The following ABCC9 variants were observed in gnomAD, a reference collection of about 807,000 sequenced individuals.
The protein encoded by ABCC9 is ATP binding cassette subfamily C member 9.
ABCC9 carries 95 observed loss-of-function variants against 188.3 expected under a neutral mutation model. The observed-to-expected ratio is 0.50, with a 90% confidence interval of 0.43 to 0.60. ABCC9 has a LOEUF of 0.60. Ranked by LOEUF, ABCC9 falls within the 20% of genes least tolerant of loss-of-function variation. The pLI, the probability that ABCC9 is intolerant of heterozygous loss-of-function variation, is 0.00. For synonymous variants in ABCC9, 659 were observed against 652.7 expected, an observed-to-expected ratio of 1.01 and a Z score of -0.15; for missense variants, 1,102 against 1,876.3, an observed-to-expected ratio of 0.59 and a Z score of 7.62.
Position 21,809,865 on chromosome 12 carries a change from T to G in ABCC9, c.4302A>C (p.Leu1434=), listed in dbSNP as rs1387875950. ...IAQLKNMVKS[L]PGGLDAVVTE... Reference sequence around the variant, plus strand: ...TAGGAAATATACCTAGACCTCCAGGTAGAGATTTGACCATATTCTTCAGCT... The same window carrying G: ...TAGGAAATATACCTAGACCTCCAGGGAGAGATTTGACCATATTCTTCAGCT... Residue 1434 remains leucine (L), a synonymous_variant, in exon 37 of 40, where the codon CTA becomes CTC. Coordinates refer to ENST00000261200, the MANE Select transcript of ABCC9 (RefSeq NM_020297.4). The G allele has an allele frequency of 6.2e-7, 1 of 1,604,584 alleles. No homozygotes were observed.
At chr12:21,932,710 G>A (rs139137780) in intron 4 of ABCC9, among the ~76,000 whole-genome samples, 9 of 152,038 alleles carry the variant, frequency 5.9e-5, no homozygotes, top group Admixed American at 6.6e-5. Context: ...CCAGTCAAAC[G>A]GCTACAATTA....
intron 38 of ABCC9, among the ~76,000 whole-genome samples, chr12:21,806,975 G>A (rs1240019734): frequency 6.6e-6 from 1 of 152,074 alleles, no homozygotes; most frequent in Admixed American, 6.6e-5. Context: ...GAGTGGTGTT[G>A]GTTAGTAATA....
chr12:21,817,548 G>A (rs1942727006), intron 32 of ABCC9, among the ~76,000 whole-genome samples: 1 of 152,132 alleles, frequency 6.6e-6, no homozygotes, highest in Non-Finnish European at 1.5e-5. Flanking sequence ...TGATTTCCCT[G>A]CATGATGGAT....
intron 12 of ABCC9, among the ~76,000 whole-genome samples, chr12:21,897,258 A>G (rs1947473436): frequency 6.6e-6 from 1 of 152,030 alleles, no homozygotes; most frequent in Non-Finnish European, 1.5e-5. Context: ...CCCACTTTTT[A>G]AGAGGGTTTT....
chr12:21,845,836 C>A lies in ABCC9; in HGVS notation c.2867-4G>T. 1.2e-6 allele frequency: 2 copies of A among 1,611,800 alleles called. No individual in the cohort carries two copies. The highest frequency in any genetic ancestry group is 8.5e-7 in the Non-Finnish European group (1 of 1,179,398). On this transcript the variant is annotated splice_region_variant and splice_polypyrimidine_tract_variant and intron_variant, in intron 25 of 39. Coordinates refer to ENST00000261200, the MANE Select transcript of ABCC9 (RefSeq NM_020297.4). ...TCATCTTCCTCCTCTTCTTCCTCTA[C>A]ATACAAAAAACTTTTGTTTAAGCTT...
rs567069260 is a variant in ABCC9 at position 21,854,526 on chromosome 12, T to G, written c.2506-2021A>C. Among the ~76,000 whole-genome samples, 32 of 152,288 alleles carry G rather than the reference T, an allele frequency of 2.1e-4. No homozygotes were observed. The South Asian group carries it at 6.6e-3, about 32-fold the overall frequency. The stretch of plus-strand genomic sequence containing the variant: ...ACAATTATCTTGATTGTCCTGAAAT[T>G]TCTTTGGATGACAAGGGAAATATTT... On this transcript the variant is annotated intron_variant, in intron 22 of 39. Coordinates refer to ENST00000261200, the MANE Select transcript of ABCC9 (RefSeq NM_020297.4).
At chr12:21,904,933 A>T (rs1174089479) in intron 12 of ABCC9, among the ~76,000 whole-genome samples, 1 of 152,228 alleles carries the variant, frequency 6.6e-6, no homozygotes, top group Non-Finnish European at 1.5e-5. Flanking sequence ...TACTGGGTAT[A>T]TACCCAAAGG....
rs1856310714 is a variant in ABCC9, at chr12:21,800,808, A to G, written c.*236T>C. 5.7e-6 allele frequency: 3 copies of G among 523,008 alleles called. 1 individual carries two copies. Among genetic ancestry groups the G allele is most frequent in the Non-Finnish European group, 1.0e-5 (3 of 292,022 alleles). The allele number at this position is 523,008 out of a possible 1,614,324, so 32.4% of individuals were successfully genotyped here. A position where few individuals can be genotyped will look rare whatever the true frequency, so the allele number is the denominator to read the frequency against. ...AAAGTAGCTTACATGTTTTAATACA[A>G]CCTAGCTATTCTTAAAGCTAGAGTG... On this transcript the variant is annotated 3_prime_UTR_variant, in exon 40 of 40. Coordinates refer to ENST00000261200, the MANE Select transcript of ABCC9 (RefSeq NM_020297.4).
chr12:21,918,614 A>G (rs916811959), intron 5 of ABCC9, among the ~76,000 whole-genome samples: 8 of 152,112 alleles, frequency 5.3e-5, no homozygotes, highest in Admixed American at 1.3e-4. Context: ...TTATTAACTC[A>G]TGGTTTCTAG....
intron 39 of ABCC9, among the ~76,000 whole-genome samples, chr12:21,803,389 G>A (rs928778267): frequency 1.3e-5 from 2 of 152,010 alleles, no homozygotes; most frequent in African/African-American, 4.8e-5. Context: ...CAGGCGCAGT[G>A]GCTCACACCT....
Position 21,864,420 on chromosome 12 carries a change from G to T in ABCC9, c.2237+19C>A. 1 of 1,552,380 alleles carries T rather than the reference G, an allele frequency of 6.4e-7. No individual in the cohort carries two copies. The highest frequency in any genetic ancestry group is 8.9e-7 in the Non-Finnish European group (1 of 1,124,208). Reference sequence around the variant, plus strand: ...AGGAAGTTATTCTTATTAAACTCAGGTTAAAATAGAAATAATACCTTCTGG... The same window carrying T: ...AGGAAGTTATTCTTATTAAACTCAGTTTAAAATAGAAATAATACCTTCTGG... On this transcript the variant is annotated intron_variant, in intron 19 of 39. Coordinates refer to ENST00000261200, the MANE Select transcript of ABCC9 (RefSeq NM_020297.4).
At chr12:21,812,772 A>G (rs1250871701) in intron 35 of ABCC9, among the ~76,000 whole-genome samples, 2 of 152,130 alleles carry the variant, frequency 1.3e-5, no homozygotes, top group African/African-American at 2.4e-5. Flanking sequence ...TGGGTGCAGC[A>G]AACCACCATG....
chr12:21,893,332 G>T (rs1199090768), intron 14 of ABCC9, among the ~76,000 whole-genome samples: 1 of 152,118 alleles, frequency 6.6e-6, no homozygotes, highest in Non-Finnish European at 1.5e-5. Flanking sequence ...CATTTTCAGA[G>T]ACTTTAAGCC....
intron 39 of ABCC9, 77 bp from the exon 40 acceptor site, chr12:21,801,258 T>C: frequency 6.3e-7 from 1 of 1,576,270 alleles, no homozygotes; most frequent in Non-Finnish European, 8.7e-7. Flanking sequence ...GTATATTTCA[T>C]GAATTATTCT....
chr12:21,828,136 T>A, intron 31 of ABCC9, among the ~76,000 whole-genome samples: 1 of 152,220 alleles, frequency 6.6e-6, no homozygotes, highest in Non-Finnish European at 1.5e-5. Context: ...TTTAAAAAAT[T>A]ACACTCAACT....
intron 5 of ABCC9, chr12:21,923,607 C>G (rs1020579861): frequency 1.3e-5 from 7 of 532,542 alleles, no homozygotes; most frequent in African/African-American, 5.8e-5. Context: ...ACTAGCATGA[C>G]TAAATTAGAC....
intron 18 of ABCC9, among the ~76,000 whole-genome samples, chr12:21,867,681 A>G (rs144334129): frequency 7.0e-4 from 106 of 152,288 alleles, no homozygotes; most frequent in Middle Eastern, 3.4e-3. Flanking sequence ...AGTCACATGA[A>G]AAGGAATATT....
At chr12:21,876,513 AAAG>A (rs1489100133) in intron 16 of ABCC9, among the ~76,000 whole-genome samples, 18 of 152,226 alleles carry the variant, frequency 1.2e-4, no homozygotes, top group Admixed American at 9.2e-4. Context: ...AAGAATAATA[AAAG>A]AAGTGAGGCA....
intron 22 of ABCC9, among the ~76,000 whole-genome samples, chr12:21,854,567 C>T (rs1476680078): frequency 6.6e-6 from 1 of 152,178 alleles, no homozygotes; most frequent in Non-Finnish European, 1.5e-5. Flanking sequence ...CTTTCAGACC[C>T]TCTGGATCAT....
Sources: gnomAD v4.1 joint callset for allele counts (sites outside exome capture counted in the v4.1 genomes callset) on GRCh38, gnomAD v4.1.1 for gene constraint, MANE v1.5 for transcripts, NCBI Gene and HGNC (gene_info 2026-07-23, HGNC 2026-07-21) for gene names.